LARS2: variants seen among roughly 807,000 people sequenced by gnomAD.
LARS2 encodes the protein leucyl-tRNA synthetase 2, mitochondrial.
A neutral mutation model predicts 116.6 loss-of-function variants in LARS2; 81 were observed. That is an observed-to-expected ratio of 0.69 (90% CI 0.58 to 0.84). The LOEUF is 0.84. LARS2 is among the 40% of genes least tolerant of loss of function. The probability of loss-of-function intolerance (pLI) is 0.00; values close to 1 mark genes in which losing one functional copy is unlikely to be tolerated. For synonymous variants in LARS2, 396 were observed against 407.2 expected (o/e 0.97, Z 0.33); for missense variants, 968 against 1,114.5 (o/e 0.87, Z 1.87).
intron 4 of LARS2, among the ~76,000 whole-genome samples, chr3:45,403,851 GC>G (rs1018504932): frequency 1.3e-5 from 2 of 151,946 alleles, no homozygotes; most frequent in Non-Finnish European, 2.9e-5. Context: ...CCACTTTCTA[GC>G]CAAGCGACTC....
intron 15 of LARS2, among the ~76,000 whole-genome samples, chr3:45,505,045 C>T (rs950754126): frequency 6.6e-6 from 1 of 151,224 alleles, no homozygotes; most frequent in African/African-American, 2.4e-5. Flanking sequence ...CGTGCCACTG[C>T]ACTCCAGCTT....
intron 9 of LARS2, among the ~76,000 whole-genome samples, chr3:45,475,609 T>G (rs1699596499): frequency 6.6e-6 from 1 of 152,242 alleles, no homozygotes; most frequent in Non-Finnish European, 1.5e-5. Context: ...CTTCTACACT[T>G]TCTTCTTTGC....
intron 6 of LARS2, among the ~76,000 whole-genome samples, chr3:45,428,473 C>T (rs1266250956): frequency 2.6e-5 from 4 of 151,628 alleles, no homozygotes; most frequent in African/African-American, 9.7e-5. Context: ...TCTCAATCTC[C>T]TGACCTCGTG....
intron 6 of LARS2, among the ~76,000 whole-genome samples, chr3:45,429,698 C>CTTTTTTTTTTTT (rs35874596): frequency 9.2e-6 from 1 of 108,140 alleles, no homozygotes; most frequent in Non-Finnish European, 1.8e-5. Context: ...CATCCTTCTG[C>CTTTTTTTTTTTT]TTTTTTTTTT....
At chr3:45,524,268 C>T (rs915017209) in intron 20 of LARS2, among the ~76,000 whole-genome samples, 160 bp downstream of exon 20, 1 of 152,184 alleles carries the variant, frequency 6.6e-6, no homozygotes, top group Non-Finnish European at 1.5e-5. Context: ...AATGGTAGTA[C>T]TTCATCCACA....
intron 20 of LARS2, among the ~76,000 whole-genome samples, chr3:45,538,779 A>G (rs939489546): frequency 2.0e-5 from 3 of 152,254 alleles, no homozygotes; most frequent in Non-Finnish European, 4.4e-5. Flanking sequence ...AGACAGGTCA[A>G]CAGAACAGAA....
intron 7 of LARS2, among the ~76,000 whole-genome samples, chr3:45,457,593 G>A (rs147282004): frequency 1.5e-4 from 23 of 152,170 alleles, no homozygotes; most frequent in African/African-American, 4.8e-4. Context: ...CAGGAGAATC[G>A]CTTGAACCCA....
intron 20 of LARS2, 45 bp from the exon 21 acceptor site, chr3:45,541,784 C>T (rs758113583): frequency 7.5e-6 from 12 of 1,607,540 alleles, no homozygotes; most frequent in South Asian, 1.1e-5. Flanking sequence ...CATAAGCCTC[C>T]CTGTTCTTAG....
intron 10 of LARS2, among the ~76,000 whole-genome samples, chr3:45,484,630 A>AAAAAAAAAAATAT (rs1553634443): frequency 3.1e-4 from 3 of 9,746 alleles, no homozygotes; most frequent in African/African-American, 5.3e-4. Context: ...AAAAAAAAAA[A>AAAAAAAAAAATAT]ATATATATAT....
At chr3:45,412,337 A>G (rs1698343943) in intron 4 of LARS2, among the ~76,000 whole-genome samples, 3 of 152,200 alleles carry the variant, frequency 2.0e-5, no homozygotes, top group Non-Finnish European at 4.4e-5. Context: ...TTTTCTCTGC[A>G]AAGGTTCTAT....
At chr3:45,403,136 G>T (rs1156441707) in intron 4 of LARS2, among the ~76,000 whole-genome samples, 4 of 129,990 alleles carry the variant, frequency 3.1e-5, no homozygotes, top group African/African-American at 8.5e-5. Flanking sequence ...AAAAAAGAAA[G>T]ATGTGGGACA....
intron 15 of LARS2, among the ~76,000 whole-genome samples, chr3:45,510,172 G>A: frequency 6.6e-6 from 1 of 152,022 alleles, no homozygotes; most frequent in East Asian, 1.9e-4. Context: ...CAGCATTTTG[G>A]GAGGCCGAGG....
At chr3:45,414,648 G>A (rs747253007) in intron 4 of LARS2, among the ~76,000 whole-genome samples, 6 of 151,992 alleles carry the variant, frequency 3.9e-5, no homozygotes, top group African/African-American at 7.2e-5. Flanking sequence ...AGGATAGCTG[G>A]CAGCCAGGAG....
intron 6 of LARS2, among the ~76,000 whole-genome samples, chr3:45,431,671 A>C (rs1208115670): frequency 6.6e-6 from 1 of 151,942 alleles, no homozygotes; most frequent in Admixed American, 6.6e-5. Flanking sequence ...GAATATACAC[A>C]GAAGGAAATG....
chr3:45,514,331 T>C (rs1700338707), intron 16 of LARS2, among the ~76,000 whole-genome samples: 1 of 152,182 alleles, frequency 6.6e-6, no homozygotes, highest in South Asian at 2.1e-4. Flanking sequence ...TGAGATTAGG[T>C]CACACGACAA....
chr3:45,421,549 G>T (rs1698513195), intron 6 of LARS2: 1 of 152,030 alleles, frequency 6.6e-6, no homozygotes. Context: ...TATCTCTTTG[G>T]ATCCCTAGAG....
intron 15 of LARS2, among the ~76,000 whole-genome samples, chr3:45,509,023 A>G (rs913578196): frequency 1.3e-5 from 2 of 151,260 alleles, no homozygotes; most frequent in Admixed American, 6.6e-5. Flanking sequence ...ATCTCCCCCC[A>G]GTTTTCATCA....
chr3:45,491,860 T>C, intron 13 of LARS2, 60 bp downstream of exon 13: 1 of 1,484,088 alleles, frequency 6.7e-7, no homozygotes, highest in Admixed American at 1.8e-5. Context: ...TGCTAGGGCT[T>C]CAGACAGCCT....
At chr3:45,486,574 G>T (rs1699817627) in intron 11 of LARS2, among the ~76,000 whole-genome samples, 1 of 152,104 alleles carries the variant, frequency 6.6e-6, no homozygotes, top group Non-Finnish European at 1.5e-5. Flanking sequence ...CTATTTCCTA[G>T]CACACAGAAA....
Sources: allele counts gnomAD v4.1 joint callset (sites outside exome capture counted in the v4.1 genomes callset), GRCh38; gene constraint gnomAD v4.1.1; transcripts MANE v1.5; gene names NCBI Gene and HGNC (gene_info 2026-07-23, HGNC 2026-07-21).